Variants in XYLT1 observed in about 807,000 individuals in gnomAD.
XYLT1 encodes xylosyltransferase 1, also known as beta-D-xylosyltransferase 1.
A neutral mutation model predicts 91.3 loss-of-function variants in XYLT1; 36 were observed. The ratio of observed to expected loss-of-function variants is 0.39; its 90% CI spans 0.30 to 0.52. XYLT1 has a LOEUF of 0.52. Ranked by LOEUF, XYLT1 falls within the 20% of genes least tolerant of loss-of-function variation. The pLI, the probability that XYLT1 is intolerant of heterozygous loss-of-function variation, is 0.68. For synonymous variants in XYLT1, 588 were observed against 532.0 expected (o/e 1.11, Z -1.45); for missense variants, 1,242 against 1,284.5 (o/e 0.97, Z 0.51).
intron 9 of XYLT1, among the ~76,000 whole-genome samples, chr16:17,133,715 T>C (rs1247223420): frequency 6.6e-6 from 1 of 152,188 alleles, no homozygotes; most frequent in Non-Finnish European, 1.5e-5. Flanking sequence ...CTTGACTGGC[T>C]TAGGGAAAGA....
At chr16:17,253,297 C>T (rs62033190) in intron 3 of XYLT1, among the ~76,000 whole-genome samples, 5,028 of 152,202 alleles carry the variant, frequency 0.033, 93 homozygotes, top group Non-Finnish European at 0.042. Context: ...ATTAAAGCGT[C>T]GCTGAGGCTG....
At chr16:17,419,600 G>A (rs575305410) in intron 1 of XYLT1, among the ~76,000 whole-genome samples, 80 of 152,290 alleles carry the variant, frequency 5.3e-4, no homozygotes, top group South Asian at 1.0e-3. Flanking sequence ...AATGAAACAG[G>A]CAATGCCTTT....
At chr16:17,469,202 G>T (rs574407273) in intron 1 of XYLT1, among the ~76,000 whole-genome samples, 1 of 152,326 alleles carries the variant, frequency 6.6e-6, no homozygotes, top group East Asian at 1.9e-4. Flanking sequence ...AAAGCATCAC[G>T]CTGTGTACTA....
intron 1 of XYLT1, among the ~76,000 whole-genome samples, chr16:17,408,567 C>T (rs1009705498): frequency 2.6e-5 from 4 of 152,090 alleles, no homozygotes; most frequent in Admixed American, 1.3e-4. Flanking sequence ...AAGAATAGGC[C>T]GGGGATGGTG....
chr16:17,119,716 G>T (rs2029979919), intron 10 of XYLT1, among the ~76,000 whole-genome samples: 1 of 152,190 alleles, frequency 6.6e-6, no homozygotes, highest in Non-Finnish European at 1.5e-5. Context: ...TTACAGATGT[G>T]GAAACTGAGT....
At chr16:17,274,256 T>C (rs1396072225) in intron 2 of XYLT1, among the ~76,000 whole-genome samples, 2 of 152,240 alleles carry the variant, frequency 1.3e-5, no homozygotes, top group Non-Finnish European at 2.9e-5. Flanking sequence ...TTCTTCTTCA[T>C]ACTATTTTAG....
At chr16:17,457,220 G>C in intron 1 of XYLT1, among the ~76,000 whole-genome samples, 1 of 152,186 alleles carries the variant, frequency 6.6e-6, no homozygotes, top group East Asian at 1.9e-4. Context: ...TAAGAAAGGA[G>C]GAAGAGGACC....
intron 5 of XYLT1, among the ~76,000 whole-genome samples, chr16:17,162,436 C>G (rs2031577828): frequency 1.3e-5 from 2 of 149,962 alleles, no homozygotes; most frequent in Admixed American, 6.6e-5. Flanking sequence ...AATTTCACTT[C>G]ACTCTCATTT....
chr16:17,443,967 C>T (rs2036562204), intron 1 of XYLT1, among the ~76,000 whole-genome samples: 1 of 152,178 alleles, frequency 6.6e-6, no homozygotes, highest in African/African-American at 2.4e-5. Flanking sequence ...TTTTCACCCA[C>T]TGACCCCTCT....
At chr16:17,377,730 C>T (rs1596512725) in intron 1 of XYLT1, among the ~76,000 whole-genome samples, 1 of 152,310 alleles carries the variant, frequency 6.6e-6, no homozygotes, top group East Asian at 1.9e-4. Context: ...CTATTTCTAG[C>T]TTAACCACGT....
At chr16:17,364,091 G>C (rs749952068) in intron 1 of XYLT1, among the ~76,000 whole-genome samples, 1 of 152,180 alleles carries the variant, frequency 6.6e-6, no homozygotes, top group Non-Finnish European at 1.5e-5. Flanking sequence ...TTGAGGTATT[G>C]GGGGAGGAAG....
In XYLT1 at chr16:17,318,202, A is replaced by G. The variant is rs1276906196; in HGVS notation, c.402+39810T>C. ...ATAGCGGATGCTGAATAAATACTCA[A>G]GGAAGAAATGAAAGAGAGAATGGGA... is the stretch of plus-strand genomic sequence containing the variant. On this transcript the variant is annotated intron_variant, in intron 2 of 11. Coordinates refer to ENST00000261381, the MANE Select transcript of XYLT1 (RefSeq NM_022166.4). Among the ~76,000 whole-genome samples, 4 of 152,206 alleles carry G rather than the reference A, an allele frequency of 2.6e-5. No individual in the cohort carries two copies. In the East Asian group the frequency reaches 7.7e-4, roughly 29 times the overall value.
chr16:17,264,928 C>T (rs745577695), intron 2 of XYLT1, among the ~76,000 whole-genome samples: 3 of 152,048 alleles, frequency 2.0e-5, no homozygotes, highest in Non-Finnish European at 4.4e-5. Context: ...GTGGCTCACA[C>T]CTGTAATCCC....
chr16:17,326,227 C>T (rs2034799073), intron 2 of XYLT1, among the ~76,000 whole-genome samples: 1 of 151,924 alleles, frequency 6.6e-6, no homozygotes, highest in African/African-American at 2.4e-5. Context: ...TTGTTAACTA[C>T]AGGTGCTATG....
At chr16:17,379,431 C>G (rs2035642925) in intron 1 of XYLT1, among the ~76,000 whole-genome samples, 1 of 152,218 alleles carries the variant, frequency 6.6e-6, no homozygotes, top group East Asian at 1.9e-4. Flanking sequence ...GCCCAGCCTG[C>G]CTGGGGGCAG....
intron 1 of XYLT1, among the ~76,000 whole-genome samples, chr16:17,370,947 C>T (rs1033777090): frequency 3.9e-5 from 6 of 152,170 alleles, no homozygotes; most frequent in Admixed American, 2.6e-4. Context: ...CCTTCACTTA[C>T]GGCTGCCAGT....
chr16:17,221,621 C>T (rs1291410542), intron 3 of XYLT1, among the ~76,000 whole-genome samples: 1 of 152,140 alleles, frequency 6.6e-6, no homozygotes, highest in African/African-American at 2.4e-5. Context: ...CACCTGTAGT[C>T]CCAGCTCTTC....
At chr16:17,243,507 G>C (rs917055593) in intron 3 of XYLT1, among the ~76,000 whole-genome samples, 6 of 152,228 alleles carry the variant, frequency 3.9e-5, no homozygotes, top group African/African-American at 1.4e-4. Context: ...GACAGGCACA[G>C]ATCGGGATTG....
intron 8 of XYLT1, among the ~76,000 whole-genome samples, chr16:17,135,269 GTTC>G (rs2030670973): frequency 6.6e-6 from 1 of 152,132 alleles, no homozygotes; most frequent in South Asian, 2.1e-4. Context: ...CAGCACCTAG[GTTC>G]TTCTGCTCAC....
Sources: allele counts gnomAD v4.1 joint callset (sites outside exome capture counted in the v4.1 genomes callset), GRCh38; gene constraint gnomAD v4.1.1; transcripts MANE v1.5; gene names NCBI Gene and HGNC (gene_info 2026-07-23, HGNC 2026-07-21).